The following C12orf56 variants were observed in gnomAD, a reference collection of about 807,000 sequenced individuals.
The protein encoded by C12orf56 is chromosome 12 open reading frame 56.
C12orf56 carries 71 observed loss-of-function variants against 69.9 expected under a neutral mutation model. The ratio of observed to expected loss-of-function variants is 1.02; its 90% confidence interval spans 0.84 to 1.24. The LOEUF is 1.24. Ranked by LOEUF, C12orf56 falls within the 50% of genes most tolerant of loss-of-function variation. C12orf56 has a pLI of 0.00. For synonymous variants in C12orf56, 276 were observed against 274.1 expected (o/e 1.01, Z -0.07); for missense variants, 732 against 738.5 (o/e 0.99, Z 0.10).
At chr12:64,277,932 A>G (rs1321483702) in intron 8 of C12orf56, 129 bp from the exon 9 acceptor site, 1 of 627,644 alleles carries the variant, frequency 1.6e-6, no homozygotes, top group Non-Finnish European at 2.4e-6. Flanking sequence ...CCTTGACTGA[A>G]GTTTTGGATC....
chr12:64,329,063 T>C (rs2136861355), intron 3 of C12orf56, among the ~76,000 whole-genome samples: 1 of 150,012 alleles, frequency 6.7e-6, no homozygotes, highest in Admixed American at 6.6e-5. Flanking sequence ...AGACTCAGTC[T>C]CAAAAAAAAA....
intron 1 of C12orf56, among the ~76,000 whole-genome samples, chr12:64,368,870 A>T (rs2039532815): frequency 6.6e-6 from 1 of 152,156 alleles, no homozygotes; most frequent in Admixed American, 6.5e-5. Flanking sequence ...CATGTGTAAA[A>T]CGAGAAATAC....
In C12orf56 at chr12:64,352,966, C is replaced by T. The variant is rs1565770655; in HGVS notation, c.343G>A (p.Glu115Lys). The T allele has an allele frequency of 1.9e-6, 3 of 1,612,998 alleles. No homozygotes were observed. Among genetic ancestry groups the T allele is most frequent in the Non-Finnish European group, 2.5e-6 (3 of 1,179,598 alleles). The change falls in exon 2 of 13, where the codon GAG (glutamate) becomes AAG (lysine). Residue 115 changes from glutamate to lysine, a missense_variant. Glu to Lys is a moderately conservative substitution (Grantham distance 56). Coordinates refer to ENST00000543942, the MANE Select transcript of C12orf56 (RefSeq NM_001170633.2). Reference sequence around the variant, plus strand: ...CTGACACTGTTTGACTTTTTACACTCTTTTTTCAAAACGGTTGAAGAATAG... The same window carrying T: ...CTGACACTGTTTGACTTTTTACACTTTTTTTTCAAAACGGTTGAAGAATAG... ...IIYSSTVLKK[E>K]CKKSNSVRKF...
At chr12:64,267,475 GA>G (rs1223585428) in intron 12 of C12orf56, 187 bp from the exon 13 acceptor site, 1 of 588,952 alleles carries the variant, frequency 1.7e-6, no homozygotes, top group Admixed American at 3.2e-5. Flanking sequence ...CTGACATGTG[GA>G]CTGTCCCTCC....
At chr12:64,273,090 T>G (rs113804448) in intron 11 of C12orf56, among the ~76,000 whole-genome samples, 7,695 of 152,120 alleles carry the variant, frequency 0.051, 659 homozygotes, top group African/African-American at 0.17. Context: ...GGTCAGGAGT[T>G]CCAGACCAGC....
chr12:64,324,541 C>G (rs1199248123), intron 3 of C12orf56, among the ~76,000 whole-genome samples: 1 of 152,098 alleles, frequency 6.6e-6, no homozygotes, highest in Non-Finnish European at 1.5e-5. Context: ...AAGGTCTGAG[C>G]TGGAAAGAGT....
chr12:64,305,291 G>A (rs2136808746), intron 5 of C12orf56, among the ~76,000 whole-genome samples: 1 of 152,228 alleles, frequency 6.6e-6, no homozygotes, highest in African/African-American at 2.4e-5. Context: ...ATTATCATGG[G>A]CAAGTTACAT....
intron 11 of C12orf56, among the ~76,000 whole-genome samples, chr12:64,271,487 T>G (rs1254120307): frequency 1.3e-5 from 2 of 152,202 alleles, no homozygotes; most frequent in Non-Finnish European, 2.9e-5. Context: ...TCCATAAACG[T>G]AGGCTTGTGT....
At position 64,272,573 on chromosome 12, in the gene C12orf56, A is replaced by C. The variant is rs928246007; in HGVS notation, c.1585-1859T>G. Among the ~76,000 whole-genome samples the C allele has an allele frequency of 7.0e-5, 5 of 71,574 alleles. No individual in the cohort carries two copies. The Admixed American group carries it at 8.5e-4, about 12-fold the overall frequency. 47.0% of individuals were successfully genotyped at this position (71,574 alleles called of 152,430 possible). A position where few individuals can be genotyped will look rare whatever the true frequency, so the allele number is the denominator to read the frequency against. ...TTACATGGGAAATGAAAGTAAAAAA[A>C]TAAAAATAAAAAAATAAATAAATAA... On this transcript the variant is annotated intron_variant, in intron 11 of 12. Coordinates refer to ENST00000543942, the MANE Select transcript of C12orf56 (RefSeq NM_001170633.2).
intron 6 of C12orf56, among the ~76,000 whole-genome samples, chr12:64,303,229 G>T (rs1029474146): frequency 6.6e-6 from 1 of 151,554 alleles, no homozygotes; most frequent in African/African-American, 2.4e-5. Flanking sequence ...AGCTGAGATC[G>T]TGCCATTGCA....
At chr12:64,304,498 T>G (rs1390102904) in intron 5 of C12orf56, among the ~76,000 whole-genome samples, 1 of 152,138 alleles carries the variant, frequency 6.6e-6, no homozygotes, top group Non-Finnish European at 1.5e-5. Flanking sequence ...TTTCCCTAAT[T>G]CCACCAACAA....
chr12:64,272,459 C>A (rs956062557), intron 11 of C12orf56, among the ~76,000 whole-genome samples: 1 of 151,546 alleles, frequency 6.6e-6, no homozygotes, highest in African/African-American at 2.4e-5. Context: ...GAGCCGAGAT[C>A]GCACCACTGC....
chr12:64,364,805 C>T lies in C12orf56; in HGVS notation c.253-11749G>A, dbSNP rs1276974754. On this transcript the variant is annotated intron_variant, in intron 1 of 12. Transcript: ENST00000543942. ...CAAGCAGGATGGCAGACTTGGGAGC[C>T]CCCTACACAGTGAGATAACCATACC... is the stretch of plus-strand genomic sequence containing the variant. Among the ~76,000 whole-genome samples, 3 of 151,888 alleles carry T rather than the reference C, an allele frequency of 2.0e-5. No individual in the cohort carries two copies. In the East Asian group the frequency reaches 5.8e-4, roughly 30 times the overall value.
chr12:64,358,462 GTAATAA>G (rs1307361496), intron 1 of C12orf56, among the ~76,000 whole-genome samples: 3 of 128,076 alleles, frequency 2.3e-5, no homozygotes, highest in African/African-American at 8.8e-5. Context: ...CATCTCAAAA[GTAATAA>G]TAATAATAAT....
At chr12:64,338,873 A>T (rs2039033837) in intron 2 of C12orf56, 1 of 668,334 alleles carries the variant, frequency 1.5e-6, no homozygotes. Context: ...GGGCAGAGGA[A>T]ACCCCTGTGC....
chr12:64,286,571 T>C (rs1335169435), intron 6 of C12orf56, among the ~76,000 whole-genome samples: 1 of 152,370 alleles, frequency 6.6e-6, no homozygotes, highest in Non-Finnish European at 1.5e-5. Context: ...GAAATGTAGA[T>C]TGCCATTTCT....
At chr12:64,283,151 A>G (rs1276730463) in intron 8 of C12orf56, among the ~76,000 whole-genome samples, 1 of 151,866 alleles carries the variant, frequency 6.6e-6, no homozygotes, top group East Asian at 1.9e-4. Context: ...TCAAAAAAAA[A>G]AGAAAAAAGA....
intron 2 of C12orf56, among the ~76,000 whole-genome samples, chr12:64,333,486 ATTTTATTTAT>A (rs1447776194): frequency 1.3e-5 from 2 of 150,410 alleles, no homozygotes; most frequent in African/African-American, 2.4e-5. Context: ...TGTTAGCTTT[ATTTTATTTAT>A]TTTTATTTAT....
intron 1 of C12orf56, among the ~76,000 whole-genome samples, chr12:64,374,557 T>C (rs191031049): frequency 6.6e-6 from 1 of 152,190 alleles, no homozygotes; most frequent in African/African-American, 2.4e-5. Flanking sequence ...TTTTTCTTTT[T>C]TTTTCCGAGA....
Sources: allele counts gnomAD v4.1 joint callset (sites outside exome capture counted in the v4.1 genomes callset), GRCh38; gene constraint gnomAD v4.1.1; transcripts MANE v1.5; gene names NCBI Gene and HGNC (gene_info 2026-07-23, HGNC 2026-07-21).